CNTN5: variants seen among roughly 807,000 people sequenced by gnomAD.
CNTN5 encodes contactin-5.
CNTN5 carries 77 observed loss-of-function variants against 129.1 expected under a neutral mutation model. The observed-to-expected ratio is 0.60, with a 90% confidence interval of 0.50 to 0.72. The LOEUF (loss-of-function observed/expected upper bound fraction) is 0.72. Ranked by LOEUF, CNTN5 falls within the 30% of genes least tolerant of loss-of-function variation. The pLI, the probability that CNTN5 is intolerant of heterozygous loss-of-function variation, is 0.00. For missense variants in CNTN5, 1,478 were observed against 1,328.8 expected, an observed-to-expected ratio of 1.11 and a Z score of -1.75; for synonymous variants, 509 against 465.6, an observed-to-expected ratio of 1.09 and a Z score of -1.20.
chr11:99,663,770 T>C (rs1952683883), intron 3 of CNTN5, among the ~76,000 whole-genome samples: 1 of 152,166 alleles, frequency 6.6e-6, no homozygotes, highest in Admixed American at 6.5e-5. Context: ...TGATTCTAAG[T>C]TTCCTGAGGC....
At chr11:99,785,027 C>T (rs1203316136) in intron 3 of CNTN5, among the ~76,000 whole-genome samples, 4 of 143,920 alleles carry the variant, frequency 2.8e-5, no homozygotes, top group Admixed American at 2.1e-4. Context: ...TCTCTATCTC[C>T]TGACCTCGTG....
At chr11:99,697,737 T>C (rs1954336245) in intron 3 of CNTN5, among the ~76,000 whole-genome samples, 1 of 151,756 alleles carries the variant, frequency 6.6e-6, no homozygotes, top group African/African-American at 2.4e-5. Context: ...TAATATAAGG[T>C]ATCGATAATA....
At chr11:99,545,686 G>A (rs942371081) in intron 2 of CNTN5, among the ~76,000 whole-genome samples, 6 of 152,120 alleles carry the variant, frequency 3.9e-5, no homozygotes, top group African/African-American at 1.4e-4. Context: ...TCACTGTTGT[G>A]CAGAGTATAT....
chr11:99,844,930 T>C lies in CNTN5; in HGVS notation c.356T>C (p.Val119Ala), dbSNP rs372405401. The C allele has an allele frequency of 3.1e-6, 5 of 1,613,660 alleles. No individual in the cohort carries two copies. The African/African-American group carries it at 5.3e-5, about 17-fold the overall frequency. ...IFPTDSDEKK[V>A]ALNCEVRGNP... ...CCAACTGATTCTGATGAAAAGAAGGTAGCATTGAATTGTGAAGTTCGTGGC... is the reference window on the plus strand; with the variant it reads ...CCAACTGATTCTGATGAAAAGAAGGCAGCATTGAATTGTGAAGTTCGTGGC... Residue 119 changes from valine to alanine, a missense_variant, in exon 5 of 25, where the codon GTA (valine) becomes GCA (alanine). Coordinates refer to ENST00000524871, the MANE Select transcript of CNTN5 (RefSeq NM_014361.4).
At chr11:99,672,003 G>T (rs1306660168) in intron 3 of CNTN5, among the ~76,000 whole-genome samples, 4 of 152,138 alleles carry the variant, frequency 2.6e-5, no homozygotes, top group Admixed American at 1.3e-4. Context: ...CTCCAAATGT[G>T]CTGTGTCATC....
chr11:99,794,966 C>A (rs1009757936), intron 3 of CNTN5, among the ~76,000 whole-genome samples: 1 of 152,072 alleles, frequency 6.6e-6, no homozygotes, highest in African/African-American at 2.4e-5. Context: ...GAATGTTAGC[C>A]TCTATTGCAA....
At chr11:99,542,751 C>G (rs907650778) in intron 2 of CNTN5, among the ~76,000 whole-genome samples, 1 of 152,178 alleles carries the variant, frequency 6.6e-6, no homozygotes, top group Non-Finnish European at 1.5e-5. Flanking sequence ...AGAGGCATCT[C>G]TCATTAGGCA....
chr11:99,778,629 G>A (rs986913233), intron 3 of CNTN5, among the ~76,000 whole-genome samples: 14 of 151,324 alleles, frequency 9.3e-5, no homozygotes, highest in African/African-American at 3.1e-4. Flanking sequence ...CCAAATGAAA[G>A]TTCATCATAG....
Position 99,349,512 on chromosome 11 carries a change from A to G in CNTN5, c.-71+24028A>G, listed in dbSNP as rs553204312. Among the ~76,000 whole-genome samples the G allele has an allele frequency of 3.3e-5, 5 of 152,284 alleles. No individual in the cohort carries two copies. In the East Asian group the frequency reaches 7.7e-4, roughly 24 times the overall value. On this transcript the variant is annotated intron_variant, in intron 2 of 24. Transcript: ENST00000524871. Reference sequence around the variant, plus strand: ...TTACGTTCCCATTGCCAAGGTACACACAACATGTTTGGGCATATGGTCTTG... The same window carrying G: ...TTACGTTCCCATTGCCAAGGTACACGCAACATGTTTGGGCATATGGTCTTG...
At chr11:99,796,209 G>T (rs1945932522) in intron 3 of CNTN5, among the ~76,000 whole-genome samples, 2 of 152,182 alleles carry the variant, frequency 1.3e-5, no homozygotes, top group African/African-American at 4.8e-5. Context: ...AGCAATGGCA[G>T]TGCAGGGTTG....
intron 3 of CNTN5, among the ~76,000 whole-genome samples, chr11:99,799,945 G>T (rs1277065968): frequency 6.6e-6 from 1 of 151,966 alleles, no homozygotes; most frequent in Non-Finnish European, 1.5e-5. Context: ...TCTGTTGAGG[G>T]TTTCCATTTC....
chr11:100,274,709 G>A (rs777037028), intron 18 of CNTN5, among the ~76,000 whole-genome samples: 2 of 152,092 alleles, frequency 1.3e-5, no homozygotes, highest in African/African-American at 2.4e-5. Context: ...CTGTCACAAT[G>A]GCTATTACTA....
intron 2 of CNTN5, among the ~76,000 whole-genome samples, chr11:99,463,443 G>GACA (rs367990457): frequency 3.2e-5 from 4 of 126,892 alleles, no homozygotes; most frequent in Non-Finnish European, 6.4e-5. Context: ...GTCTCAAAAA[G>GACA]AAAAAAAAAA....
At chr11:99,894,751 G>A (rs181773258) in intron 6 of CNTN5, among the ~76,000 whole-genome samples, 3 of 152,152 alleles carry the variant, frequency 2.0e-5, no homozygotes, top group Non-Finnish European at 4.4e-5. Context: ...ACAAGTGCTA[G>A]CTATGATAAT....
chr11:99,239,891 A>T (rs59398420), intron 1 of CNTN5, among the ~76,000 whole-genome samples: 2,594 of 150,062 alleles, frequency 0.017, 87 homozygotes, highest in African/African-American at 0.061. Context: ...GAGCCGAGAT[A>T]GCGCCACTGT....
At position 99,383,500 on chromosome 11, in the gene CNTN5, A is replaced by AG. The variant is rs577375888; in HGVS notation, c.-71+58017dup. On this transcript the variant is annotated intron_variant, in intron 2 of 24. Transcript: ENST00000524871. Reference sequence around the variant, plus strand: ...ATTCTGAGTGATCCTCTATATGAACAGTGATGCCATAGTGGCAAGCAAGTT... The same window carrying AG: ...ATTCTGAGTGATCCTCTATATGAACAGGTGATGCCATAGTGGCAAGCAAGTT... 3.7e-3 allele frequency among the ~76,000 whole-genome samples: 570 copies of AG among 152,276 alleles called. 3 individuals are homozygous for AG. The highest frequency in any genetic ancestry group is 0.012 in the African/African-American group (486 of 41,562).
chr11:99,808,024 A>G (rs1050177494), intron 3 of CNTN5, among the ~76,000 whole-genome samples: 2 of 152,206 alleles, frequency 1.3e-5, no homozygotes, highest in Non-Finnish European at 2.9e-5. Context: ...GGCAACACCA[A>G]GAGAAATACA....
intron 9 of CNTN5, among the ~76,000 whole-genome samples, chr11:100,060,549 C>T (rs563795955): frequency 6.6e-6 from 1 of 151,858 alleles, no homozygotes; most frequent in South Asian, 2.1e-4. Context: ...AATTCCTAAC[C>T]CTTTGGTTTG....
At chr11:100,072,901 A>G (rs1293967734) in intron 12 of CNTN5, among the ~76,000 whole-genome samples, 3 of 148,560 alleles carry the variant, frequency 2.0e-5, no homozygotes, top group African/African-American at 7.4e-5. Context: ...CCCTTCACCT[A>G]GTTAGTAGCC....
Sources: allele counts gnomAD v4.1 joint callset (sites outside exome capture counted in the v4.1 genomes callset), GRCh38; gene constraint gnomAD v4.1.1; transcripts MANE v1.5; gene names NCBI Gene and HGNC (gene_info 2026-07-23, HGNC 2026-07-21).